The following ADAM12 variants were observed in gnomAD, a reference collection of about 807,000 sequenced individuals.
The protein encoded by ADAM12 is disintegrin and metalloproteinase domain-containing protein 12.
ADAM12 carries 70 observed loss-of-function variants against 106.4 expected under a neutral mutation model. The ratio of observed to expected loss-of-function variants is 0.66; its 90% CI spans 0.54 to 0.80. The LOEUF is 0.80. Ranked by LOEUF, ADAM12 falls within the 30% of genes least tolerant of loss-of-function variation. The probability of loss-of-function intolerance (pLI) is 0.00; values close to 1 mark genes in which losing one functional copy is unlikely to be tolerated. For missense variants in ADAM12, 1,010 were observed against 1,171.9 expected (o/e 0.86, Z 2.02); for synonymous variants, 420 against 433.5 (o/e 0.97, Z 0.39).
intron 6 of ADAM12, among the ~76,000 whole-genome samples, chr10:126,115,597 G>A (rs185705621): frequency 6.6e-6 from 1 of 152,184 alleles, no homozygotes; most frequent in African/African-American, 2.4e-5. Context: ...ATTTATTCCT[G>A]ATGCTCTGTG....
At chr10:126,261,299 G>C (rs1025754909) in intron 3 of ADAM12, among the ~76,000 whole-genome samples, 1 of 152,152 alleles carries the variant, frequency 6.6e-6, no homozygotes, top group Non-Finnish European at 1.5e-5. Context: ...ACAGGAGATT[G>C]AAACAACGAA....
chr10:126,111,590 C>A (rs1026760121), intron 6 of ADAM12, among the ~76,000 whole-genome samples: 1 of 152,184 alleles, frequency 6.6e-6, no homozygotes, highest in Non-Finnish European at 1.5e-5. Flanking sequence ...CACTTTTCAG[C>A]CTGCAGAGGG....
At chr10:126,341,891 A>T (rs1162686906) in intron 1 of ADAM12, among the ~76,000 whole-genome samples, 1 of 152,220 alleles carries the variant, frequency 6.6e-6, no homozygotes, top group Non-Finnish European at 1.5e-5. Flanking sequence ...CTTTTAACTC[A>T]TAGAGTTGAC....
chr10:126,242,679 C>A (rs546949258), intron 3 of ADAM12, among the ~76,000 whole-genome samples: 35 of 152,270 alleles, frequency 2.3e-4, no homozygotes, highest in Admixed American at 1.8e-3. Flanking sequence ...GGAATAGGTA[C>A]GGAAGTGCTC....
intron 3 of ADAM12, among the ~76,000 whole-genome samples, chr10:126,259,388 T>C (rs1484858550): frequency 6.6e-6 from 1 of 152,244 alleles, no homozygotes; most frequent in African/African-American, 2.4e-5. Context: ...ACGTTTACAA[T>C]ATGAGCTATA....
intron 1 of ADAM12, among the ~76,000 whole-genome samples, chr10:126,338,304 G>C (rs1042435635): frequency 1.4e-5 from 2 of 140,648 alleles, no homozygotes; most frequent in African/African-American, 5.4e-5. Flanking sequence ...CCAGGCTGGA[G>C]TGCAGTGGCG....
At chr10:126,047,386 C>T (rs1037065320) in intron 16 of ADAM12, among the ~76,000 whole-genome samples, 1 of 152,130 alleles carries the variant, frequency 6.6e-6, no homozygotes, top group Non-Finnish European at 1.5e-5. Context: ...GGTCACATTC[C>T]AGCTGATAAA....
In ADAM12 at chr10:126,336,069, A is replaced by G. The variant is rs1005937795; in HGVS notation, c.89-5560T>C. Among the ~76,000 whole-genome samples, 14 of 152,208 alleles carry G rather than the reference A, an allele frequency of 9.2e-5. 1 individual carries two copies. The highest frequency in any genetic ancestry group is 1.0e-4 in the Non-Finnish European group (7 of 68,040). On this transcript the variant is annotated intron_variant, in intron 1 of 22. Coordinates refer to ENST00000448723, the MANE Select transcript of ADAM12 (RefSeq NM_001288973.2). ...ATCCTGGATGGGACTGAGCAACAGA[A>G]AAAATGCACTCAGTAAGAACCAATG...
At position 126,232,001 on chromosome 10, in the gene ADAM12, A is replaced by C. The variant is rs115784379; in HGVS notation, c.260+46914T>G. Among the ~76,000 whole-genome samples the C allele has an allele frequency of 2.4e-3, 358 of 152,260 alleles. 2 individuals carry two copies. Among genetic ancestry groups the C allele is most frequent in the African/African-American group, 8.2e-3 (340 of 41,548 alleles). On this transcript the variant is annotated intron_variant, in intron 3 of 22. Coordinates refer to ENST00000448723, the MANE Select transcript of ADAM12 (RefSeq NM_001288973.2). ...ATGTCCAGCAGACACTGCAAACTTT[A>C]TATAACTGAAAGGAATTCTGGACAT...
chr10:126,306,794 C>A (rs1234424761), intron 2 of ADAM12, among the ~76,000 whole-genome samples: 1 of 152,128 alleles, frequency 6.6e-6, no homozygotes. Context: ...TAGATTTTCT[C>A]TTGGACTTTG....
chr10:126,343,270 C>T (rs752542910), intron 1 of ADAM12, among the ~76,000 whole-genome samples: 6 of 149,992 alleles, frequency 4.0e-5, no homozygotes, highest in South Asian at 4.3e-4. Flanking sequence ...TGAGTGAGAA[C>T]ATGCGGTGTT....
chr10:126,158,354 G>GGA, intron 3 of ADAM12, among the ~76,000 whole-genome samples: 1 of 70,482 alleles, frequency 1.4e-5, no homozygotes, highest in East Asian at 5.3e-4. Context: ...CAGAGCATGA[G>GGA]GGATGCACAG....
At chr10:126,102,168 C>T (rs113740472) in intron 8 of ADAM12, among the ~76,000 whole-genome samples, 332 of 152,190 alleles carry the variant, frequency 2.2e-3, no homozygotes, top group African/African-American at 7.5e-3. Context: ...GTATGACCTA[C>T]CCATTGTCCT....
At chr10:126,140,763 A>G (rs761227601) in intron 4 of ADAM12, among the ~76,000 whole-genome samples, 3 of 152,266 alleles carry the variant, frequency 2.0e-5, no homozygotes, top group Non-Finnish European at 2.9e-5. Flanking sequence ...TTGAGTTTTT[A>G]TAACATAAGT....
chr10:126,360,844 T>C (rs1195051399), intron 1 of ADAM12, among the ~76,000 whole-genome samples: 1 of 152,222 alleles, frequency 6.6e-6, no homozygotes, highest in African/African-American at 2.4e-5. Context: ...TCCATGCTGC[T>C]GATAAAGACA....
chr10:126,148,158 AAAT>A (rs1428931811), intron 4 of ADAM12, among the ~76,000 whole-genome samples: 25 of 152,226 alleles, frequency 1.6e-4, no homozygotes, highest in Admixed American at 1.6e-3. Context: ...ATTAACTCCA[AAAT>A]TAAAATCAGC....
rs982894229 is a variant in ADAM12 at position 126,118,290 on chromosome 10, AC to A, written c.417-67del. 7.2e-6 allele frequency: 8 copies of A among 1,117,982 alleles called. No individual in the cohort carries two copies. In the African/African-American group the frequency reaches 1.3e-4, roughly 18 times the overall value. 69.3% of individuals were successfully genotyped at this position (1,117,982 alleles called of 1,614,324 possible). ...ACAGCTTCTTGTTTATGGCCAAGAC[AC>A]AGTTCTTAACAAGAGAGAGAATGAA... On this transcript the variant is annotated intron_variant, in intron 5 of 22. Transcript: ENST00000448723.
intron 20 of ADAM12, among the ~76,000 whole-genome samples, chr10:126,036,892 A>G (rs1954069979): frequency 6.6e-6 from 1 of 152,140 alleles, no homozygotes; most frequent in African/African-American, 2.4e-5. Flanking sequence ...AAACAGCTTA[A>G]TTGAGGTATA....
At position 126,206,860 on chromosome 10, in the gene ADAM12, C is replaced by CGGG. The variant is rs907511503; in HGVS notation, c.261-51558_261-51556dup. ...CCTGAATTCCCATGTGTTGTGGGGG[C>CGGG]GGGGGGGAGCCAGTGGGAGGTAATT... On this transcript the variant is annotated intron_variant, in intron 3 of 22. Coordinates refer to ENST00000448723, the MANE Select transcript of ADAM12 (RefSeq NM_001288973.2). Among the ~76,000 whole-genome samples, 141 of 97,808 alleles carry CGGG rather than the reference C, an allele frequency of 1.4e-3. 7 individuals carry two copies. The highest frequency in any genetic ancestry group is 4.4e-3 in the African/African-American group (114 of 26,134). 64.2% of individuals were successfully genotyped at this position (97,808 alleles called of 152,430 possible). A position where few individuals can be genotyped will look rare whatever the true frequency, so the allele number is the denominator to read the frequency against.
Sources: allele counts gnomAD v4.1 joint callset (sites outside exome capture counted in the v4.1 genomes callset), GRCh38; gene constraint gnomAD v4.1.1; transcripts MANE v1.5; gene names NCBI Gene and HGNC (gene_info 2026-07-23, HGNC 2026-07-21).